Variants in CNTNAP2 observed in about 807,000 individuals in gnomAD.
CNTNAP2 encodes the protein contactin-associated protein-like 2.
Under a neutral mutation model 155.2 loss-of-function variants are expected in CNTNAP2, and 98 were observed. The observed-to-expected ratio is 0.63, with a 90% confidence interval of 0.54 to 0.75. The LOEUF (loss-of-function observed/expected upper bound fraction) is 0.75, where lower values mean the gene tolerates loss of function less well. Among genes scored for constraint, CNTNAP2 ranks in the 30% least tolerant of loss-of-function variants. The pLI is 0.00. For synonymous variants in CNTNAP2, 651 were observed against 631.2 expected, an observed-to-expected ratio of 1.03 and a Z score of -0.47; for missense variants, 1,727 against 1,688.1, an observed-to-expected ratio of 1.02 and a Z score of -0.40.
intron 14 of CNTNAP2, among the ~76,000 whole-genome samples, chr7:147,973,863 T>G (rs1801379999): frequency 6.6e-6 from 1 of 152,186 alleles, no homozygotes; most frequent in African/African-American, 2.4e-5. Context: ...CTGATTCTCA[T>G]TCTTCTCATC....
intron 17 of CNTNAP2, among the ~76,000 whole-genome samples, chr7:148,154,076 G>A (rs996916551): frequency 6.6e-6 from 1 of 152,212 alleles, no homozygotes; most frequent in African/African-American, 2.4e-5. Context: ...CTTGGCTCTG[G>A]CCTCTTCTGA....
intron 15 of CNTNAP2, among the ~76,000 whole-genome samples, chr7:148,012,166 C>A (rs867044536): frequency 6.6e-6 from 1 of 152,218 alleles, no homozygotes; most frequent in African/African-American, 2.4e-5. Flanking sequence ...GATCTTCCCC[C>A]CTCAGTCTCC....
At chr7:146,741,577 G>C (rs1801717051) in intron 1 of CNTNAP2, among the ~76,000 whole-genome samples, 1 of 152,154 alleles carries the variant, frequency 6.6e-6, no homozygotes, top group Non-Finnish European at 1.5e-5. Flanking sequence ...AATAATAGCT[G>C]TTCCCGAAAA....
intron 13 of CNTNAP2, among the ~76,000 whole-genome samples, chr7:147,687,283 T>C (rs138369115): frequency 0.015 from 2,266 of 152,248 alleles, 50 homozygotes; most frequent in African/African-American, 0.052. Flanking sequence ...GAATATAGTA[T>C]ACAAATGGGT....
chr7:148,184,909 A>G (rs1795092810), intron 18 of CNTNAP2, among the ~76,000 whole-genome samples: 1 of 152,258 alleles, frequency 6.6e-6, no homozygotes, highest in Non-Finnish European at 1.5e-5. Context: ...GTGCTTTGAA[A>G]AGCATTAATG....
chr7:146,249,819 AT>A (rs1563007791), intron 1 of CNTNAP2, among the ~76,000 whole-genome samples: 1 of 152,162 alleles, frequency 6.6e-6, no homozygotes, highest in East Asian at 1.9e-4. Context: ...CGTTCATTAG[AT>A]TAGAAATGTC....
intron 8 of CNTNAP2, among the ~76,000 whole-genome samples, chr7:147,211,846 C>T (rs780794260): frequency 6.6e-6 from 1 of 151,992 alleles, no homozygotes; most frequent in Non-Finnish European, 1.5e-5. Context: ...GCAAAAGAAA[C>T]TGTTAACAAA....
intron 13 of CNTNAP2, among the ~76,000 whole-genome samples, chr7:147,738,074 T>G (rs1012902979): frequency 2.0e-5 from 3 of 152,128 alleles, no homozygotes; most frequent in African/African-American, 7.2e-5. Flanking sequence ...AGTACCTCAG[T>G]TGGAAATGCA....
intron 8 of CNTNAP2, among the ~76,000 whole-genome samples, chr7:147,256,847 A>G (rs548804122): frequency 9.2e-5 from 14 of 152,204 alleles, no homozygotes; most frequent in South Asian, 4.1e-4. Flanking sequence ...ATTTGGATAT[A>G]ATAAGTTGAG....
At chr7:146,721,875 G>GTGTGTATATGTATATATATA in intron 1 of CNTNAP2, among the ~76,000 whole-genome samples, 1 of 76,658 alleles carries the variant, frequency 1.3e-5, no homozygotes, top group East Asian at 2.7e-4. Flanking sequence ...GTGTGTGTGT[G>GTGTGTATATGTATATATATA]TATATATATA....
At chr7:146,826,869 G>C (rs1803414476) in intron 2 of CNTNAP2, among the ~76,000 whole-genome samples, 1 of 151,120 alleles carries the variant, frequency 6.6e-6, no homozygotes, top group Admixed American at 6.6e-5. Context: ...GAGAGAGAGA[G>C]AGAGAGAGAG....
chr7:147,910,314 T>C (rs1800039100), intron 14 of CNTNAP2, among the ~76,000 whole-genome samples: 1 of 152,230 alleles, frequency 6.6e-6, no homozygotes, highest in Non-Finnish European at 1.5e-5. Context: ...TGTCAGCCAC[T>C]GTTCATGTAT....
chr7:146,863,975 G>A (rs1170922700), intron 3 of CNTNAP2, among the ~76,000 whole-genome samples: 1 of 152,034 alleles, frequency 6.6e-6, no homozygotes, highest in African/African-American at 2.4e-5. Flanking sequence ...TGTTGTTAAA[G>A]GTATAGTTGT....
chr7:146,326,559 G>T (rs1319565439), intron 1 of CNTNAP2, among the ~76,000 whole-genome samples: 1 of 152,140 alleles, frequency 6.6e-6, no homozygotes, highest in Non-Finnish European at 1.5e-5. Context: ...TAAAATTGAG[G>T]TAATTGAGCA....
chr7:146,763,818 C>T (rs1192528852), intron 1 of CNTNAP2, among the ~76,000 whole-genome samples: 1 of 152,108 alleles, frequency 6.6e-6, no homozygotes, highest in African/African-American at 2.4e-5. Flanking sequence ...GCCTATCATG[C>T]CATAAACATT....
chr7:146,310,858 T>C (rs1256677644), intron 1 of CNTNAP2, among the ~76,000 whole-genome samples: 1 of 152,206 alleles, frequency 6.6e-6, no homozygotes, highest in African/African-American at 2.4e-5. Flanking sequence ...TATAAAACTC[T>C]ATTTTACTAA....
intron 13 of CNTNAP2, among the ~76,000 whole-genome samples, chr7:147,769,284 C>T (rs948001099): frequency 2.0e-5 from 3 of 152,020 alleles, no homozygotes; most frequent in Admixed American, 6.6e-5. Context: ...TTAAAGAATT[C>T]GCCCCTTCTG....
intron 7 of CNTNAP2, among the ~76,000 whole-genome samples, chr7:147,130,124 A>G (rs1191464582): frequency 6.6e-6 from 1 of 152,138 alleles, no homozygotes; most frequent in Non-Finnish European, 1.5e-5. Context: ...ATAAAAAGAT[A>G]GATGTATAGC....
chr7:146,201,509 A>G (rs1798860141), intron 1 of CNTNAP2, among the ~76,000 whole-genome samples: 1 of 152,124 alleles, frequency 6.6e-6, no homozygotes, highest in South Asian at 2.1e-4. Context: ...ACCTTCCACA[A>G]GTTTACTGTT....
Sources: allele counts gnomAD v4.1 joint callset (sites outside exome capture counted in the v4.1 genomes callset), GRCh38; gene constraint gnomAD v4.1.1; transcripts MANE v1.5; gene names NCBI Gene and HGNC (gene_info 2026-07-23, HGNC 2026-07-21).